The following DAG1 variants were observed in gnomAD, a reference collection of about 807,000 sequenced individuals.
DAG1 encodes dystroglycan 1 (dystrophin-associated glycoprotein 1).
In DAG1, 8 loss-of-function variants were observed where a neutral mutation model predicts 46.1. The observed-to-expected ratio is 0.17, with a 90% CI of 0.10 to 0.31. The LOEUF (loss-of-function observed/expected upper bound fraction) is 0.31. Among genes scored for constraint, DAG1 ranks in the 10% least tolerant of loss-of-function variants. The probability of loss-of-function intolerance (pLI) is 1.00; values close to 1 mark genes in which losing one functional copy is unlikely to be tolerated. For missense variants in DAG1, 1,003 were observed against 1,189.9 expected, an observed-to-expected ratio of 0.84 and a Z score of 2.31; for synonymous variants, 495 against 481.8, an observed-to-expected ratio of 1.03 and a Z score of -0.36.
At chr3:49,481,856 T>C (rs1326981905) in intron 1 of DAG1, among the ~76,000 whole-genome samples, 1 of 152,216 alleles carries the variant, frequency 6.6e-6, no homozygotes, top group East Asian at 1.9e-4. Flanking sequence ...TTCTTTCTCC[T>C]AATCGGTACA....
At position 49,478,539 on chromosome 3, in the gene DAG1, T is replaced by TG. The variant is rs34893377; in HGVS notation, c.-117+8106_-117+8107insG. Among the ~76,000 whole-genome samples, 48 of 118,558 alleles carry TG rather than the reference T, an allele frequency of 4.0e-4. 2 individuals carry two copies. The East Asian group carries it at 8.1e-3, about 20-fold the overall frequency. The allele number at this position is 118,558 out of a possible 152,430, so 77.8% of individuals were successfully genotyped here. ...TTTGAGCCCAAGAGTTTTTTTTTTT[T>TG]TTTTTTTTTTTTAAATTTTTTGTAG... On this transcript the variant is annotated intron_variant, in intron 1 of 2. Coordinates refer to ENST00000308775, the MANE Select transcript of DAG1 (RefSeq NM_004393.6).
chr3:49,472,222 G>A (rs1003171177), intron 1 of DAG1, among the ~76,000 whole-genome samples: 8 of 152,094 alleles, frequency 5.3e-5, no homozygotes, highest in African/African-American at 1.9e-4. Context: ...AGTTAAGTCA[G>A]CTAACAGAGG....
chr3:49,506,204 C>G (rs943383615), intron 1 of DAG1, among the ~76,000 whole-genome samples: 3 of 152,172 alleles, frequency 2.0e-5, no homozygotes, highest in African/African-American at 7.2e-5. Flanking sequence ...GTCTTGAACT[C>G]CTGACCCAGG....
chr3:49,509,624 ACCC>A (rs770440276), intron 1 of DAG1, among the ~76,000 whole-genome samples: 9 of 152,200 alleles, frequency 5.9e-5, no homozygotes, highest in Non-Finnish European at 1.0e-4. Context: ...AAGCAGTGCC[ACCC>A]AACAGAAATA....
chr3:49,498,476 T>C (rs1191850799), intron 1 of DAG1, among the ~76,000 whole-genome samples: 1 of 152,128 alleles, frequency 6.6e-6, no homozygotes, highest in Non-Finnish European at 1.5e-5. Flanking sequence ...GAGTACATCC[T>C]GTTGGCCATG....
chr3:49,532,426 G>A lies in DAG1; in HGVS notation c.1915G>A (p.Asp639Asn). Reference protein sequence around the residue: ...LVKKLAFAFGDRNCSTITLQN... With the variant: ...LVKKLAFAFGNRNCSTITLQN... ...AAAGAAACTGGCCTTCGCCTTTGGA[G>A]ACCGAAACTGTAGCACCATCACCCT... The change falls in exon 3 of 3, where the codon GAC becomes AAC. Residue 639 changes from aspartate to asparagine, a missense_variant. Asp to Asn is a conservative substitution (Grantham distance 23). Coordinates refer to ENST00000308775, the MANE Select transcript of DAG1 (RefSeq NM_004393.6). The surrounding 1 kb of genome is among the most constrained non-coding windows in gnomAD (Gnocchi z 5.4). 7 of 1,614,226 alleles carry A rather than the reference G, an allele frequency of 4.3e-6. No individual in the cohort carries two copies. Among genetic ancestry groups the A allele is most frequent in the Non-Finnish European group, 5.1e-6 (6 of 1,180,042 alleles).
chr3:49,477,237 T>A (rs535162455), intron 1 of DAG1, among the ~76,000 whole-genome samples: 24 of 152,110 alleles, frequency 1.6e-4, no homozygotes, highest in Non-Finnish European at 3.5e-4. Context: ...CGTCAGGTGA[T>A]CTGCCCGCCT....
Position 49,532,469 on chromosome 3 carries a change from G to T in DAG1, c.1958G>T (p.Gly653Val), listed in dbSNP as rs545038762. 2.3e-5 allele frequency: 37 copies of T among 1,614,194 alleles called. No individual in the cohort carries two copies. In the South Asian group the frequency reaches 3.5e-4, roughly 15 times the overall value. The change falls in exon 3 of 3, where the codon GGC (glycine) becomes GTC (valine). Residue 653 changes from glycine to valine, a missense_variant. Transcript: ENST00000308775. The surrounding 1 kb of genome is among the most constrained non-coding windows in gnomAD (Gnocchi z 5.4). ...ATCACCCTGCAGAATATCACCCGGG[G>T]CTCCATCGTGGTGGAATGGACCAAC... ...STITLQNITR[G>V]SIVVEWTNNT... is the part of the protein sequence containing the mutation.
chr3:49,516,695 A>G (rs2107715142), intron 2 of DAG1, among the ~76,000 whole-genome samples: 1 of 152,312 alleles, frequency 6.6e-6, no homozygotes, highest in Non-Finnish European at 1.5e-5. Flanking sequence ...TGCCCCTGTC[A>G]ATCATTAAGT....
intron 1 of DAG1, among the ~76,000 whole-genome samples, chr3:49,508,829 G>A (rs1055527389): frequency 4.6e-5 from 7 of 152,150 alleles, no homozygotes; most frequent in Non-Finnish European, 1.0e-4. Context: ...GCACCCGCCC[G>A]CCAGGCCTCA....
chr3:49,491,105 G>T (rs942725251), intron 1 of DAG1, among the ~76,000 whole-genome samples: 1 of 151,686 alleles, frequency 6.6e-6, no homozygotes, highest in Non-Finnish European at 1.5e-5. Flanking sequence ...GGCTGGTCTC[G>T]AACTCCTGAC....
At chr3:49,503,752 C>T (rs539210370) in intron 1 of DAG1, among the ~76,000 whole-genome samples, 107 of 150,506 alleles carry the variant, frequency 7.1e-4, no homozygotes, top group Non-Finnish European at 1.3e-3. Context: ...CGCGTGAGCC[C>T]GGGAGGTCGA....
rs903731053 is a variant in DAG1, at chr3:49,534,534, T to C, written c.*1335T>C. On this transcript the variant is annotated 3_prime_UTR_variant, in exon 3 of 3. Transcript: ENST00000308775. The stretch of plus-strand genomic sequence containing the variant: ...TTAAAAAAAAGATTTAAAATGGTGA[T>C]GCTTACAGCAGTTTGTACGAGCTCT... The C allele has an allele frequency of 6.6e-6, 1 of 152,670 alleles. No individual in the cohort carries two copies. Among genetic ancestry groups the C allele is most frequent in the African/African-American group, 2.4e-5 (1 of 41,482 alleles). 9.5% of individuals were successfully genotyped at this position (152,670 alleles called of 1,614,324 possible). A position where few individuals can be genotyped will look rare whatever the true frequency, so the allele number is the denominator to read the frequency against.
chr3:49,521,976 A>G (rs557642725), intron 2 of DAG1, among the ~76,000 whole-genome samples: 2 of 152,094 alleles, frequency 1.3e-5, no homozygotes, highest in Admixed American at 1.3e-4. Flanking sequence ...CAGCCTCCTA[A>G]GTAGCTGGGA....
Position 49,531,027 on chromosome 3 carries a change from A to G in DAG1, c.516A>G (p.Pro172=), listed in dbSNP as rs1276579580. The part of the protein sequence containing the change: ...SELQSVRTAS[P]DPGEVVSSAC... ...TGCAGTCGGTGAGGACAGCCTCCCC[A>G]GACCCTGGTGAGGTGGTATCATCTG... The change falls in exon 3 of 3, where the codon CCA becomes CCG. Residue 172 remains proline (P), a synonymous_variant. Transcript: ENST00000308775. The surrounding 1 kb of genome is among the most constrained non-coding windows in gnomAD (Gnocchi z 7.0). 1.2e-6 allele frequency: 2 copies of G among 1,614,230 alleles called. No individual in the cohort carries two copies. Among genetic ancestry groups the G allele is most frequent in the Non-Finnish European group, 1.7e-6 (2 of 1,180,032 alleles).
chr3:49,535,157 C>CA lies in DAG1; in HGVS notation c.*1959dup, dbSNP rs1211733551. ...GGTGACTGGGCTCATGCCTCCAAGT[C>CA]AGAGTTTCCCTGGTGCCCCAGAGAC... On this transcript the variant is annotated 3_prime_UTR_variant, in exon 3 of 3. Transcript: ENST00000308775. 1.3e-5 allele frequency: 2 copies of CA among 152,260 alleles called. No individual in the cohort carries two copies. The highest frequency in any genetic ancestry group is 2.9e-5 in the Non-Finnish European group (2 of 68,050). The allele number at this position is 152,260 out of a possible 1,614,324, so 9.4% of individuals were successfully genotyped here.
At chr3:49,499,561 C>G (rs1302649899) in intron 1 of DAG1, among the ~76,000 whole-genome samples, 1 of 152,228 alleles carries the variant, frequency 6.6e-6, no homozygotes, top group African/African-American at 2.4e-5. Context: ...CATTTATTAA[C>G]TGAGTTCCCT....
chr3:49,489,112 T>G (rs1371076443), intron 1 of DAG1, among the ~76,000 whole-genome samples: 6 of 151,728 alleles, frequency 4.0e-5, no homozygotes, highest in Non-Finnish European at 7.4e-5. Flanking sequence ...TTTTTTTTTT[T>G]GAGACACAGT....
intron 1 of DAG1, among the ~76,000 whole-genome samples, chr3:49,491,457 C>T (rs531486538): frequency 4.0e-5 from 6 of 151,568 alleles, no homozygotes; most frequent in African/African-American, 1.5e-4. Flanking sequence ...ATCATAGGCA[C>T]CTGCCACTAT....
Sources: gnomAD v4.1 joint callset for allele counts (sites outside exome capture counted in the v4.1 genomes callset) on GRCh38, gnomAD v4.1.1 for gene constraint, Gnocchi (gnomAD v3.1) non-coding constraint, MANE v1.5 for transcripts, NCBI Gene and HGNC (gene_info 2026-07-23, HGNC 2026-07-21) for gene names.